Variants in RAD51B observed in about 807,000 individuals in gnomAD.
The protein encoded by RAD51B is DNA repair protein RAD51 homolog 2.
RAD51B carries 38 observed loss-of-function variants against 42.2 expected under a neutral mutation model. That is an observed-to-expected ratio of 0.90 (90% CI 0.70 to 1.18). The LOEUF is 1.18. Ranked by LOEUF, RAD51B falls within the 50% of genes most tolerant of loss-of-function variation. RAD51B has a pLI of 0.00. For synonymous variants in RAD51B, 154 were observed against 145.2 expected, an observed-to-expected ratio of 1.06 and a Z score of -0.43; for missense variants, 373 against 400.7, an observed-to-expected ratio of 0.93 and a Z score of 0.59.
Position 68,507,489 on chromosome 14 carries a change from G to T in RAD51B, c.1036+39239G>T, listed in dbSNP as rs1156625690. 2.6e-5 allele frequency among the ~76,000 whole-genome samples: 4 copies of T among 152,276 alleles called. No individual in the cohort carries two copies. The East Asian group carries it at 5.8e-4, about 22-fold the overall frequency. On this transcript the variant is annotated intron_variant, in intron 10 of 10. Transcript: ENST00000487270. ...CAGATTGCAGAGGGTCCTAGGACTG[G>T]CATTCCATAGGAAAGTTGAGGAGTT... is the stretch of plus-strand genomic sequence containing the variant.
At chr14:67,994,633 T>C (rs2075351887) in intron 7 of RAD51B, among the ~76,000 whole-genome samples, 3 of 152,208 alleles carry the variant, frequency 2.0e-5, no homozygotes, top group Non-Finnish European at 4.4e-5. Flanking sequence ...CACTGATTGA[T>C]CTTCAAATCT....
At chr14:68,104,361 A>G (rs57826383) in intron 7 of RAD51B, among the ~76,000 whole-genome samples, 1 of 152,080 alleles carries the variant, frequency 6.6e-6, no homozygotes, top group Non-Finnish European at 1.5e-5. Context: ...TGTTTTAAGA[A>G]CTCAAAAAAG....
intron 10 of RAD51B, among the ~76,000 whole-genome samples, chr14:68,504,910 C>CT (rs1885197803): frequency 6.6e-6 from 1 of 152,082 alleles, no homozygotes; most frequent in Non-Finnish European, 1.5e-5. Flanking sequence ...AATTTGTGAA[C>CT]TGCAGACCTG....
chr14:68,300,408 C>T (rs919757368), intron 8 of RAD51B, among the ~76,000 whole-genome samples: 3 of 152,016 alleles, frequency 2.0e-5, no homozygotes. Context: ...CAGGGTCTTG[C>T]TATCCTGCCC....
chr14:67,842,603 C>G (rs190838807), intron 4 of RAD51B, among the ~76,000 whole-genome samples: 1 of 152,326 alleles, frequency 6.6e-6, no homozygotes, highest in Non-Finnish European at 1.5e-5. Context: ...CTCCTGACCT[C>G]AAGTGATCTG....
intron 10 of RAD51B, among the ~76,000 whole-genome samples, chr14:68,494,661 C>G (rs1045017258): frequency 1.3e-5 from 2 of 152,088 alleles, no homozygotes; most frequent in Non-Finnish European, 2.9e-5. Flanking sequence ...CATTTGTTTT[C>G]ATCTCCAATT....
At chr14:68,004,569 A>G (rs770249262) in intron 7 of RAD51B, among the ~76,000 whole-genome samples, 6 of 152,214 alleles carry the variant, frequency 3.9e-5, no homozygotes, top group Admixed American at 1.3e-4. Context: ...TGGAGTTTCT[A>G]AGTAGGAGGG....
At chr14:68,029,605 C>A (rs760185595) in intron 7 of RAD51B, among the ~76,000 whole-genome samples, 11 of 152,240 alleles carry the variant, frequency 7.2e-5, no homozygotes, top group Admixed American at 1.3e-4. Flanking sequence ...TTTCCCGCAT[C>A]TGCAGTTACT....
chr14:67,945,941 G>A (rs1212633624), intron 7 of RAD51B, among the ~76,000 whole-genome samples: 1 of 152,156 alleles, frequency 6.6e-6, no homozygotes. Flanking sequence ...GTTAAAAGTG[G>A]TTGTAACTAG....
chr14:68,543,699 G>A (rs756795734), intron 10 of RAD51B, among the ~76,000 whole-genome samples: 60 of 152,302 alleles, frequency 3.9e-4, no homozygotes, highest in Non-Finnish European at 7.2e-4. Flanking sequence ...GAGACCTAGA[G>A]AATCACTTCC....
rs73285899 is a variant in RAD51B at position 68,648,435 on chromosome 14, C to G, written c.1037-2346C>G. Among the ~76,000 whole-genome samples, 11 of 149,166 alleles carry G rather than the reference C, an allele frequency of 7.4e-5. No homozygotes were observed. The East Asian group carries it at 2.2e-3, about 30-fold the overall frequency. ...GTTATGGTGAAAAAGACATTCTAATCTTTTCCCCTTACCCCAATAAATCAA... is the reference window on the plus strand; with the variant it reads ...GTTATGGTGAAAAAGACATTCTAATGTTTTCCCCTTACCCCAATAAATCAA... On this transcript the variant is annotated intron_variant, in intron 10 of 11. Transcript: ENST00000488612.
At chr14:68,115,860 T>C (rs1001728480) in intron 7 of RAD51B, among the ~76,000 whole-genome samples, 2 of 152,072 alleles carry the variant, frequency 1.3e-5, no homozygotes, top group Non-Finnish European at 2.9e-5. Flanking sequence ...GTGTTCCACA[T>C]GGGAAACTGT....
chr14:68,651,584 C>A (rs1892699568), intron 11 of RAD51B, among the ~76,000 whole-genome samples: 1 of 152,156 alleles, frequency 6.6e-6, no homozygotes, highest in South Asian at 2.1e-4. Context: ...ACCCTCTAGA[C>A]CACTTCTTAA....
intron 7 of RAD51B, among the ~76,000 whole-genome samples, chr14:68,117,938 A>G (rs1343964996): frequency 6.6e-6 from 1 of 152,204 alleles, no homozygotes; most frequent in Non-Finnish European, 1.5e-5. Flanking sequence ...ACAGTCTCAC[A>G]TTGACTTAAA....
At chr14:68,380,562 G>A (rs1057297829) in intron 8 of RAD51B, among the ~76,000 whole-genome samples, 3 of 152,168 alleles carry the variant, frequency 2.0e-5, no homozygotes, top group Non-Finnish European at 1.5e-5. Context: ...CAGAGAGATG[G>A]AGTGGGGGAT....
Position 67,825,556 on chromosome 14 carries a change from C to T in RAD51B, c.177C>T (p.Ala59=), listed in dbSNP as rs749106465. ...AACTTCTATGTATGGTCAGCAGGGC[C>T]TGTGCCCCAAAGATGCAAACGGTAT... is the stretch of plus-strand genomic sequence containing the variant. The part of the protein sequence containing the change: ...VHELLCMVSR[A]CAPKMQTAYG... The change falls in exon 3 of 11, where the codon GCC becomes GCT. Residue 59 remains alanine, a synonymous_variant. Coordinates refer to ENST00000471583, the MANE Select transcript of RAD51B (RefSeq NM_133510.4). 1.9e-6 allele frequency: 3 copies of T among 1,609,408 alleles called. No individual in the cohort carries two copies. The Admixed American group carries it at 5.0e-5, about 27-fold the overall frequency.
At position 68,548,036 on chromosome 14, in the gene RAD51B, G is replaced by A. The variant is rs548393311; in HGVS notation, c.1037-46449G>A. 1.9e-4 allele frequency among the ~76,000 whole-genome samples: 29 copies of A among 152,346 alleles called. 1 individual carries two copies. The South Asian group carries it at 6.0e-3, about 32-fold the overall frequency. On this transcript the variant is annotated intron_variant, in intron 10 of 10. Transcript: ENST00000487270. ...TCCATGGAAGGCATCCTGTCTTGGA[G>A]GCCTCAGTGGGTTCCTCCTGGAGAG...
chr14:68,076,461 G>A (rs1051446142), intron 7 of RAD51B, among the ~76,000 whole-genome samples: 15 of 152,196 alleles, frequency 9.9e-5, no homozygotes, highest in African/African-American at 3.6e-4. Flanking sequence ...AAGGCTAAAA[G>A]ATTAACACAT....
At chr14:68,470,477 G>A (rs2086094159) in intron 10 of RAD51B, 1 of 483,460 alleles carries the variant, frequency 2.1e-6, no homozygotes, top group South Asian at 1.5e-5. Context: ...TTTACCTTCA[G>A]CTTTGGTATG....
Sources: allele counts gnomAD v4.1 joint callset (sites outside exome capture counted in the v4.1 genomes callset), GRCh38; gene constraint gnomAD v4.1.1; transcripts MANE v1.5; gene names NCBI Gene and HGNC (gene_info 2026-07-23, HGNC 2026-07-21).